TRIM67: variants seen among roughly 807,000 people sequenced by gnomAD.
TRIM67 encodes tripartite motif-containing protein 67.
Under a neutral mutation model 71.0 loss-of-function variants are expected in TRIM67, and 39 were observed. The ratio of observed to expected loss-of-function variants is 0.55; its 90% CI spans 0.43 to 0.72. The LOEUF (loss-of-function observed/expected upper bound fraction) is 0.72, where lower values mean the gene tolerates loss of function less well. TRIM67 is among the 30% of genes least tolerant of loss of function. The pLI, the probability that TRIM67 is intolerant of heterozygous loss-of-function variation, is 0.00. For missense variants in TRIM67, 973 were observed against 1,079.2 expected, an observed-to-expected ratio of 0.90 and a Z score of 1.38; for synonymous variants, 481 against 473.9, an observed-to-expected ratio of 1.01 and a Z score of -0.19.
Position 231,162,872 on chromosome 1 carries a change from G to A in TRIM67, c.-98G>A. 2 of 1,490,506 alleles carry A rather than the reference G, an allele frequency of 1.3e-6. No homozygotes were observed. The highest frequency in any genetic ancestry group is 1.3e-5 in the South Asian group (1 of 77,466). The allele number at this position is 1,490,506 out of a possible 1,614,324, so 92.3% of individuals were successfully genotyped here. On this transcript the variant is annotated 5_prime_UTR_variant, in exon 1 of 10. Transcript: ENST00000366653. ...TGCCCGTGTGATGCCCCCGCCCGTC[G>A]TCTCACCGGGGCGCACCGCGCTGGT...
At chr1:231,174,246 A>ACTC (rs1320992397) in intron 1 of TRIM67, among the ~76,000 whole-genome samples, 1 of 148,424 alleles carries the variant, frequency 6.7e-6, no homozygotes, top group Admixed American at 6.7e-5. Context: ...GCAACCTTGA[A>ACTC]CTCCTAGGTT....
intron 1 of TRIM67, among the ~76,000 whole-genome samples, chr1:231,170,815 G>T (rs772631317): frequency 6.6e-6 from 1 of 152,206 alleles, no homozygotes; most frequent in Non-Finnish European, 1.5e-5. Context: ...CAACAGAGAT[G>T]ATGTGGTCTG....
At chr1:231,186,252 G>GAGTAC in intron 1 of TRIM67, 1 of 1,245,758 alleles carries the variant, frequency 8.0e-7, no homozygotes, top group South Asian at 1.3e-5. Context: ...GCAAAAGCAG[G>GAGTAC]ATTTCTTCCT....
Position 231,218,402 on chromosome 1 carries a change from T to C in TRIM67, c.*2962T>C, listed in dbSNP as rs1684067800. On this transcript the variant is annotated 3_prime_UTR_variant, in exon 10 of 10. Coordinates refer to ENST00000366653, the MANE Select transcript of TRIM67 (RefSeq NM_001004342.5). Reference sequence around the variant, plus strand: ...TTAAAAATGTCGAGTTCCATTGCATTGTAAATAGTGCCTCTGTAATGTGGT... The same window carrying C: ...TTAAAAATGTCGAGTTCCATTGCATCGTAAATAGTGCCTCTGTAATGTGGT... 1 of 986,218 alleles carries C rather than the reference T, an allele frequency of 1.0e-6. No homozygotes were observed. Among genetic ancestry groups the C allele is most frequent in the South Asian group, 4.7e-5 (1 of 21,338 alleles). The allele number at this position is 986,218 out of a possible 1,614,324, so 61.1% of individuals were successfully genotyped here. A position where few individuals can be genotyped will look rare whatever the true frequency, so the allele number is the denominator to read the frequency against.
rs374632837 is a variant in TRIM67 at position 231,209,131 on chromosome 1, C to T, written c.2004C>T (p.Phe668=). The stretch of plus-strand genomic sequence containing the variant: ...ACGACAACCACCCAGACCCCGCCTT[C>T]GGGGTGGCCAGGGCCAGCGTGGTCA... ...DRYDNHPDPA[F]GVARASVVKD... The change falls in exon 8 of 10, where the codon TTC becomes TTT. Residue 668 remains phenylalanine (F), a synonymous_variant. Transcript: ENST00000366653. This position sits in a 1 kb window ranked among gnomAD's most constrained non-coding sequence, Gnocchi z 4.1. The T allele has an allele frequency of 3.6e-5, 58 of 1,613,922 alleles. No individual in the cohort carries two copies. The African/African-American group carries it at 4.0e-4, about 11-fold the overall frequency.
rs1242068678 is a variant in TRIM67, at chr1:231,163,728, G to A, written c.759G>A (p.Pro253=). ...GPFAKHRLVQ[P]PPPPPPPAEA... is the part of the protein sequence containing the mutation. ...TCGCCAAGCATCGCCTGGTGCAGCC[G>A]CCGCCGCCGCCGCCGCCGCCCGCCG... Residue 253 remains proline, a synonymous_variant, in exon 1 of 10, where the codon CCG becomes CCA. Transcript: ENST00000366653. 1 of 1,488,506 alleles carries A rather than the reference G, an allele frequency of 6.7e-7. No individual in the cohort carries two copies. Among genetic ancestry groups the A allele is most frequent in the Admixed American group, 2.3e-5 (1 of 43,776 alleles). 92.2% of individuals were successfully genotyped at this position (1,488,506 alleles called of 1,614,324 possible). A position where few individuals can be genotyped will look rare whatever the true frequency, so the allele number is the denominator to read the frequency against.
Position 231,163,513 on chromosome 1 carries a change from C to T in TRIM67, c.544C>T (p.Leu182Phe). 1 of 1,517,748 alleles carries T rather than the reference C, an allele frequency of 6.6e-7. No homozygotes were observed. The highest frequency in any genetic ancestry group is 1.2e-5 in the South Asian group (1 of 81,500). 94.0% of individuals were successfully genotyped at this position (1,517,748 alleles called of 1,614,324 possible). A position where few individuals can be genotyped will look rare whatever the true frequency, so the allele number is the denominator to read the frequency against. The stretch of plus-strand genomic sequence containing the variant: ...GCGCGGCTTCCAGCGCAACCGGCTG[C>T]TCGAGGCCATCGTGCAGCGGTACCA... ...GLRGFQRNRLLEAIVQRYQQG... is the reference protein window; with the variant it reads ...GLRGFQRNRLFEAIVQRYQQG... The change falls in exon 1 of 10, where the codon CTC (leucine) becomes TTC (phenylalanine). Residue 182 changes from leucine to phenylalanine, a missense_variant. Leu to Phe is a conservative substitution (Grantham distance 22, BLOSUM62 0). This residue lies in a region of TRIM67 where 795 missense variants were observed against 831.3 expected (regional missense o/e 0.96). Transcript: ENST00000366653.
At chr1:231,190,784 C>T (rs922851834) in intron 1 of TRIM67, among the ~76,000 whole-genome samples, 17 of 152,102 alleles carry the variant, frequency 1.1e-4, no homozygotes, top group African/African-American at 3.6e-4. Context: ...TTGGGGAATC[C>T]GGGAGGTCTG....
chr1:231,217,330 G>A lies in TRIM67; in HGVS notation c.*1890G>A, dbSNP rs1471151500. On this transcript the variant is annotated 3_prime_UTR_variant, in exon 10 of 10. Transcript: ENST00000366653. ...CCTCTTCCTTGTCATCTCACCAAGC[G>A]GTTTCTGGGTCTCCTCCTCCCATCC... The A allele has an allele frequency of 3.0e-5, 30 of 985,870 alleles. No individual in the cohort carries two copies. Among genetic ancestry groups the A allele is most frequent in the South Asian group, 4.7e-5 (1 of 21,288 alleles). The allele number at this position is 985,870 out of a possible 1,614,324, so 61.1% of individuals were successfully genotyped here.
intron 1 of TRIM67, among the ~76,000 whole-genome samples, chr1:231,172,087 TAAA>T (rs1247298660): frequency 1.3e-5 from 2 of 151,604 alleles, no homozygotes; most frequent in Non-Finnish European, 2.9e-5. Context: ...ACCCCAACTC[TAAA>T]AACAAACAAA....
chr1:231,166,770 T>A (rs9431659), intron 1 of TRIM67, among the ~76,000 whole-genome samples: 2,435 of 152,314 alleles, frequency 0.016, 66 homozygotes, highest in African/African-American at 0.055. Flanking sequence ...AAAATAAGAT[T>A]ATCACCTTTT....
chr1:231,183,616 C>A (rs1325657862), intron 1 of TRIM67, among the ~76,000 whole-genome samples: 1 of 151,996 alleles, frequency 6.6e-6, no homozygotes, highest in Non-Finnish European at 1.5e-5. Context: ...CCCCATCCCT[C>A]CCTCCCAACA....
At chr1:231,172,766 A>G (rs1184625904) in intron 1 of TRIM67, among the ~76,000 whole-genome samples, 1 of 152,254 alleles carries the variant, frequency 6.6e-6, no homozygotes, top group East Asian at 1.9e-4. Context: ...CTCAATCCTT[A>G]TAGTTTGATT....
chr1:231,170,929 C>T (rs1198295276), intron 1 of TRIM67, among the ~76,000 whole-genome samples: 1 of 152,222 alleles, frequency 6.6e-6, no homozygotes, highest in African/African-American at 2.4e-5. Context: ...CTCCACCCTG[C>T]AGCATCAGCA....
chr1:231,180,427 A>G (rs935784106), intron 1 of TRIM67, among the ~76,000 whole-genome samples: 1 of 152,174 alleles, frequency 6.6e-6, no homozygotes, highest in African/African-American at 2.4e-5. Flanking sequence ...CTCGGTAAAC[A>G]TATGAAGCCA....
At chr1:231,171,100 G>A (rs983425885) in intron 1 of TRIM67, among the ~76,000 whole-genome samples, 6 of 152,204 alleles carry the variant, frequency 3.9e-5, no homozygotes, top group African/African-American at 9.6e-5. Context: ...CTAGGCCCAT[G>A]ACTTTCACTG....
intron 1 of TRIM67, chr1:231,184,991 G>T (rs1438156027): frequency 2.0e-6 from 3 of 1,529,574 alleles, no homozygotes; most frequent in Non-Finnish European, 2.6e-6. Context: ...CTCCTGAATG[G>T]GTGGCCGGCA....
At chr1:231,187,552 A>G in intron 1 of TRIM67, 1 of 1,533,044 alleles carries the variant, frequency 6.5e-7, no homozygotes, top group South Asian at 1.2e-5. Flanking sequence ...GGTGAGAGAA[A>G]TCCCCTGTGG....
intron 1 of TRIM67, among the ~76,000 whole-genome samples, chr1:231,195,608 G>A (rs1362710689): frequency 6.6e-6 from 1 of 152,252 alleles, no homozygotes. Flanking sequence ...TGAGCAGACA[G>A]CCTAGACCTT....
Sources: allele counts gnomAD v4.1 joint callset (sites outside exome capture counted in the v4.1 genomes callset), GRCh38; gene constraint gnomAD v4.1.1; regional missense constraint gnomAD v4.1.1; non-coding constraint Gnocchi (gnomAD v3.1); transcripts MANE v1.5; gene names NCBI Gene and HGNC (gene_info 2026-07-23, HGNC 2026-07-21).